The following TPH1 variants were observed in gnomAD, a reference collection of about 807,000 sequenced individuals.
TPH1 encodes the protein tryptophan 5-hydroxylase 1.
In TPH1, 37 loss-of-function variants were observed where a neutral mutation model predicts 49.5. The observed-to-expected ratio is 0.75, with a 90% CI of 0.58 to 0.98. The LOEUF (loss-of-function observed/expected upper bound fraction) is 0.98. Among genes scored for constraint, TPH1 ranks in the 50% least tolerant of loss-of-function variants. The probability of loss-of-function intolerance (pLI) is 0.00; values close to 1 mark genes in which losing one functional copy is unlikely to be tolerated. For missense variants in TPH1, 487 were observed against 523.6 expected (o/e 0.93, Z 0.68); for synonymous variants, 160 against 182.1 (o/e 0.88, Z 0.98).
chr11:18,033,401 A>G (rs1590265069), intron 3 of TPH1, 27 bp from the exon 4 acceptor site: 4 of 1,502,292 alleles, frequency 2.7e-6, no homozygotes, highest in African/African-American at 2.8e-5. Context: ...AAAATAAAAT[A>G]AAAACCAGTA....
intron 3 of TPH1, among the ~76,000 whole-genome samples, chr11:18,035,613 C>T (rs1848040402): frequency 6.6e-6 from 1 of 151,824 alleles, no homozygotes; most frequent in African/African-American, 2.4e-5. Context: ...ATTTTTTGCA[C>T]AGACTGGGTC....
chr11:18,043,392 G>T (rs654734), intron 1 of TPH1, among the ~76,000 whole-genome samples: 48,744 of 152,040 alleles, frequency 0.32, 9,403 homozygotes, highest in East Asian at 0.51. Context: ...ATCACTTGAG[G>T]TCAGGAGTTG....
At chr11:18,035,929 C>G (rs1283083742) in intron 3 of TPH1, 30 bp downstream of exon 3, 2 of 1,564,044 alleles carry the variant, frequency 1.3e-6, no homozygotes, top group African/African-American at 1.4e-5. Flanking sequence ...GTTTCATCTT[C>G]TAAGTAGTAT....
intron 1 of TPH1, among the ~76,000 whole-genome samples, 80 bp downstream of exon 1, chr11:18,046,161 G>GC (rs932387134): frequency 2.3e-4 from 35 of 152,318 alleles, no homozygotes; most frequent in Non-Finnish European, 4.6e-4. Flanking sequence ...GGGTGACTCT[G>GC]CCCAGCCCCG....
chr11:18,034,572 A>G (rs1466484057), intron 3 of TPH1, among the ~76,000 whole-genome samples: 1 of 152,206 alleles, frequency 6.6e-6, no homozygotes, highest in African/African-American at 2.4e-5. Flanking sequence ...GACTTGGGGA[A>G]GTAGCTCTCT....
Position 18,033,269 on chromosome 11 carries a change from C to T in TPH1, c.402+5G>A, listed in dbSNP as rs1354348028. ...CTTGCTCTTAAAAAAAAAGAAAATA[C>T]TTACAGGATGGTCTGCATCTAGTTC... On this transcript the variant is annotated splice_donor_5th_base_variant and intron_variant, in intron 4 of 10. Coordinates refer to ENST00000682019, the MANE Select transcript of TPH1 (RefSeq NM_004179.3). 6.2e-7 allele frequency: 1 copy of T among 1,609,570 alleles called. No homozygotes were observed. The highest frequency in any genetic ancestry group is 8.5e-7 in the Non-Finnish European group (1 of 1,176,048).
chr11:18,038,198 G>A (rs1400945754), intron 2 of TPH1, among the ~76,000 whole-genome samples: 4 of 151,584 alleles, frequency 2.6e-5, no homozygotes, highest in Non-Finnish European at 5.9e-5. Context: ...AGTAGAAGCA[G>A]AATAAGCATA....
chr11:18,023,341 C>T (rs568685194), intron 9 of TPH1, among the ~76,000 whole-genome samples: 85 of 152,222 alleles, frequency 5.6e-4, no homozygotes, highest in African/African-American at 2.0e-3. Context: ...ACTCAACAAA[C>T]TTGAGTTTAT....
intron 2 of TPH1, among the ~76,000 whole-genome samples, chr11:18,037,317 C>T (rs61882467): frequency 1.3e-5 from 2 of 150,088 alleles, no homozygotes; most frequent in East Asian, 2.0e-4. Context: ...GTGATTGTGC[C>T]ACTGCACTCC....
chr11:18,033,493 G>T, intron 3 of TPH1, 119 bp from the exon 4 acceptor site: 1 of 775,482 alleles, frequency 1.3e-6, no homozygotes, highest in Non-Finnish European at 2.1e-6. Context: ...ATTTTAGCTT[G>T]TACATCAAGG....
At position 18,020,827 on chromosome 11, in the gene TPH1, C is replaced by A; in HGVS notation, c.*164G>T. On this transcript the variant is annotated 3_prime_UTR_variant, in exon 11 of 11. Coordinates refer to ENST00000682019, the MANE Select transcript of TPH1 (RefSeq NM_004179.3). Reference sequence around the variant, plus strand: ...AAAAAATAAGTGGTAAATAGAATATCCAGGTACAAATTTTCAAAGACTAGT... The same window carrying A: ...AAAAAATAAGTGGTAAATAGAATATACAGGTACAAATTTTCAAAGACTAGT... The A allele has an allele frequency of 4.5e-6, 3 of 661,970 alleles. No homozygotes were observed. Among genetic ancestry groups the A allele is most frequent in the Middle Eastern group, 3.3e-4 (1 of 3,030 alleles). 41.0% of individuals were successfully genotyped at this position (661,970 alleles called of 1,614,324 possible).
At chr11:18,045,270 A>G (rs1288492391) in intron 1 of TPH1, among the ~76,000 whole-genome samples, 1 of 152,210 alleles carries the variant, frequency 6.6e-6, no homozygotes, top group African/African-American at 2.4e-5. Context: ...GGGAATGAGG[A>G]TGAAAGTGTA....
chr11:18,028,831 G>A (rs923172268), intron 6 of TPH1, among the ~76,000 whole-genome samples: 1 of 152,034 alleles, frequency 6.6e-6, no homozygotes, highest in African/African-American at 2.4e-5. Flanking sequence ...TTGGGAGGCT[G>A]AGGAGGGTGG....
chr11:18,043,759 G>C (rs1472904058), intron 1 of TPH1, among the ~76,000 whole-genome samples: 2 of 152,114 alleles, frequency 1.3e-5, no homozygotes, highest in African/African-American at 4.8e-5. Context: ...CCAGCTACTA[G>C]GGAGGCTGAG....
intron 1 of TPH1, among the ~76,000 whole-genome samples, chr11:18,044,487 G>C (rs1209296912): frequency 6.6e-6 from 1 of 152,022 alleles, no homozygotes; most frequent in Non-Finnish European, 1.5e-5. Flanking sequence ...TTCTCAAAAG[G>C]AACTTTTGCT....
intron 6 of TPH1, among the ~76,000 whole-genome samples, chr11:18,028,393 C>A (rs570097394): frequency 6.6e-6 from 1 of 152,262 alleles, no homozygotes; most frequent in African/African-American, 2.4e-5. Flanking sequence ...AGGAACTAAC[C>A]ATCTCATCAG....
Position 18,020,430 on chromosome 11 carries a change from T to C in TPH1, c.*561A>G, listed in dbSNP as rs947651354. The C allele has an allele frequency of 2.6e-5, 4 of 156,628 alleles. No individual in the cohort carries two copies. Among genetic ancestry groups the C allele is most frequent in the African/African-American group, 9.6e-5 (4 of 41,470 alleles). The allele number at this position is 156,628 out of a possible 1,614,324, so 9.7% of individuals were successfully genotyped here. ...TAGACTACTTGCTCTTTACTAGGTA[T>C]CCTCCATGTGCAAAGGCCTCTATAC... On this transcript the variant is annotated 3_prime_UTR_variant, in exon 11 of 11. Transcript: ENST00000682019.
chr11:18,036,863 T>C (rs2134033094), intron 2 of TPH1, among the ~76,000 whole-genome samples: 1 of 152,276 alleles, frequency 6.6e-6, no homozygotes, highest in South Asian at 2.1e-4. Context: ...AATGAACACC[T>C]GTGTAACTAG....
intron 2 of TPH1, among the ~76,000 whole-genome samples, chr11:18,039,329 G>A (rs1040982708): frequency 6.6e-6 from 1 of 152,170 alleles, no homozygotes; most frequent in African/African-American, 2.4e-5. Context: ...GGTAGGTAGA[G>A]TTCTCATTTT....
Sources: gnomAD v4.1 joint callset for allele counts (sites outside exome capture counted in the v4.1 genomes callset) on GRCh38, gnomAD v4.1.1 for gene constraint, MANE v1.5 for transcripts, NCBI Gene and HGNC (gene_info 2026-07-23, HGNC 2026-07-21) for gene names.